The following ROBO2 variants were observed in gnomAD, a reference collection of about 807,000 sequenced individuals.
The protein encoded by ROBO2 is roundabout homolog 2.
A neutral mutation model predicts 160.8 loss-of-function variants in ROBO2; 53 were observed. That is an observed-to-expected ratio of 0.33 (90% confidence interval 0.26 to 0.41). ROBO2 has a LOEUF of 0.41. Ranked by LOEUF, ROBO2 falls within the 10% of genes least tolerant of loss-of-function variation. ROBO2 has a pLI of 1.00. For missense variants in ROBO2, 1,577 were observed against 1,722.4 expected, an observed-to-expected ratio of 0.92 and a Z score of 1.49; for synonymous variants, 664 against 611.7, an observed-to-expected ratio of 1.09 and a Z score of -1.26.
At chr3:77,219,489 G>GTGTATATATATATATAATCTGTATA (rs2085479710) in intron 2 of ROBO2, among the ~76,000 whole-genome samples, 7 of 111,476 alleles carry the variant, frequency 6.3e-5, no homozygotes, top group Admixed American at 9.9e-5. Flanking sequence ...TATATAATCT[G>GTGTATATATATATATAATCTGTATA]TATATATATA....
chr3:75,924,530 A>G (rs1021977921), intron 1 of ROBO2, among the ~76,000 whole-genome samples: 1 of 152,090 alleles, frequency 6.6e-6, no homozygotes, highest in East Asian at 1.9e-4. Context: ...CAGAAGTATA[A>G]AGACAAAAAA....
chr3:77,200,277 A>G (rs1253280776), intron 2 of ROBO2, among the ~76,000 whole-genome samples: 3 of 30,088 alleles, frequency 1.0e-4, no homozygotes, highest in African/African-American at 5.7e-4. Context: ...TTATATATAT[A>G]TATATATATA....
chr3:77,297,853 GA>G (rs1450956073), intron 2 of ROBO2, among the ~76,000 whole-genome samples: 2 of 152,306 alleles, frequency 1.3e-5, no homozygotes, highest in Non-Finnish European at 1.5e-5. Flanking sequence ...AACATGTGTA[GA>G]AAGGAGGAAA....
intron 2 of ROBO2, among the ~76,000 whole-genome samples, chr3:76,293,616 C>T (rs147901337): frequency 7.2e-5 from 11 of 152,192 alleles, no homozygotes; most frequent in East Asian, 5.8e-4. Context: ...TGTGGAAGAC[C>T]GTTAGCTAGC....
intron 2 of ROBO2, among the ~76,000 whole-genome samples, chr3:76,508,644 C>T (rs1213183597): frequency 1.3e-5 from 2 of 152,070 alleles, no homozygotes; most frequent in African/African-American, 4.8e-5. Flanking sequence ...ATCCTTGGAT[C>T]GACATATATT....
intron 2 of ROBO2, among the ~76,000 whole-genome samples, chr3:76,879,471 C>T (rs1469804668): frequency 6.6e-6 from 1 of 152,060 alleles, no homozygotes; most frequent in Non-Finnish European, 1.5e-5. Context: ...GAAGTGAACT[C>T]TCTTCCTCTG....
chr3:76,517,605 T>C (rs2081404712), intron 2 of ROBO2, among the ~76,000 whole-genome samples: 1 of 152,226 alleles, frequency 6.6e-6, no homozygotes, highest in African/African-American at 2.4e-5. Flanking sequence ...CATGCCTAAG[T>C]ATGTTATATC....
rs547276056 is a variant in ROBO2, at chr3:76,291,026, G to T, written c.109+353424G>T. 3.4e-4 allele frequency among the ~76,000 whole-genome samples: 51 copies of T among 152,206 alleles called. No individual in the cohort carries two copies. In the Middle Eastern group the frequency reaches 0.01, roughly 30 times the overall value. On this transcript the variant is annotated intron_variant, in intron 2 of 26. Coordinates refer to the ROBO2 transcript ENST00000487694. ...TTCTTTGTTATTGTGTCTCTGCAGG[G>T]TTTTGCTATCAGAATGATGCTTGCC...
At chr3:76,369,040 T>G (rs2108463118) in intron 2 of ROBO2, among the ~76,000 whole-genome samples, 1 of 152,108 alleles carries the variant, frequency 6.6e-6, no homozygotes, top group South Asian at 2.1e-4. Context: ...TACATATTTT[T>G]TTTCTGTTCC....
At chr3:75,969,866 G>A in intron 2 of ROBO2, among the ~76,000 whole-genome samples, 1 of 151,494 alleles carries the variant, frequency 6.6e-6, no homozygotes, top group Non-Finnish European at 1.5e-5. Context: ...AATGTTTGCT[G>A]TGAAGAAGCT....
intron 2 of ROBO2, among the ~76,000 whole-genome samples, chr3:77,283,400 T>C (rs1229156230): frequency 6.6e-6 from 1 of 152,188 alleles, no homozygotes; most frequent in Non-Finnish European, 1.5e-5. Context: ...AGAATGTTTG[T>C]TTTAAAAATA....
rs187524898 is a variant in ROBO2 at position 77,566,850 on chromosome 3, C to A, written c.1850-1463C>A. 4.4e-3 allele frequency among the ~76,000 whole-genome samples: 663 copies of A among 152,114 alleles called. 3 individuals carry two copies. The highest frequency in any genetic ancestry group is 7.5e-3 in the Non-Finnish European group (512 of 67,972). On this transcript the variant is annotated intron_variant, in intron 12 of 25. Transcript: ENST00000461745. ...TTTTTGGGTACCATACTTTCAGCAG[C>A]TTTGCAATCTGCAAAGCATTTCTTT...
At chr3:77,236,210 G>T (rs1260632679) in intron 2 of ROBO2, among the ~76,000 whole-genome samples, 2 of 152,194 alleles carry the variant, frequency 1.3e-5, no homozygotes, top group Non-Finnish European at 2.9e-5. Context: ...ATTGGCAACT[G>T]GCTGAAAGAG....
chr3:76,602,578 A>G (rs1469891807), intron 2 of ROBO2, among the ~76,000 whole-genome samples: 1 of 152,236 alleles, frequency 6.6e-6, no homozygotes, highest in Non-Finnish European at 1.5e-5. Context: ...CCCTTATCAA[A>G]CCATCAGATC....
chr3:77,111,708 T>A (rs1037425438), intron 2 of ROBO2, among the ~76,000 whole-genome samples: 5 of 152,206 alleles, frequency 3.3e-5, no homozygotes, highest in Admixed American at 2.0e-4. Context: ...AAGAGAGGAA[T>A]GTTTGTTCAT....
intron 2 of ROBO2, among the ~76,000 whole-genome samples, chr3:76,662,480 A>G (rs2091865952): frequency 6.6e-6 from 1 of 152,152 alleles, no homozygotes; most frequent in South Asian, 2.1e-4. Flanking sequence ...ATGGATTCAA[A>G]AACAGCTAAG....
At chr3:76,589,734 A>C (rs188729076) in intron 2 of ROBO2, among the ~76,000 whole-genome samples, 8 of 152,278 alleles carry the variant, frequency 5.3e-5, no homozygotes, top group Admixed American at 6.5e-5. Context: ...TGTTGTATTA[A>C]TGTGACTCTA....
intron 2 of ROBO2, among the ~76,000 whole-genome samples, chr3:76,559,461 A>G (rs370403447): frequency 1.3e-5 from 2 of 152,116 alleles, no homozygotes; most frequent in East Asian, 3.9e-4. Flanking sequence ...ATTCGTTTTA[A>G]CCAATCAACC....
intron 2 of ROBO2, among the ~76,000 whole-genome samples, chr3:77,295,889 C>T (rs561804058): frequency 7.4e-4 from 99 of 133,460 alleles, no homozygotes; most frequent in Non-Finnish European, 1.2e-3. Flanking sequence ...GTAAAATTGA[C>T]GGTTAAACGG....
Sources: allele counts gnomAD v4.1 joint callset (sites outside exome capture counted in the v4.1 genomes callset), GRCh38; gene constraint gnomAD v4.1.1; transcripts MANE v1.5; gene names NCBI Gene and HGNC (gene_info 2026-07-23, HGNC 2026-07-21).